Variants in NOL12 observed in about 807,000 individuals in gnomAD.
The protein encoded by NOL12 is nucleolar protein 12.
NOL12 carries 21 observed loss-of-function variants against 25.2 expected under a neutral mutation model. The observed-to-expected ratio is 0.83, with a 90% CI of 0.59 to 1.20. The LOEUF is 1.20. Ranked by LOEUF, NOL12 falls within the 50% of genes most tolerant of loss-of-function variation. NOL12 has a pLI of 0.00. For missense variants in NOL12, 286 were observed against 287.6 expected (o/e 0.99, Z 0.04); for synonymous variants, 133 against 113.8 (o/e 1.17, Z -1.08).
chr22:37,689,778 G>A (rs762131481), intron 4 of NOL12, among the ~76,000 whole-genome samples: 11 of 151,380 alleles, frequency 7.3e-5, no homozygotes, highest in South Asian at 2.1e-4. Context: ...CTGTAATCCC[G>A]GCATTTTGGG....
Position 37,690,729 on chromosome 22 carries a change from G to A in NOL12, c.414G>A (p.Ala138=), listed in dbSNP as rs199836484. Residue 138 remains alanine (A), a synonymous_variant, in exon 5 of 6, where the codon GCG becomes GCA. Transcript: ENST00000359114. ...CTGGAGACAGGTCTGAGGAGGAGGC[G>A]TCATCCACGGAGAAACCAACCAAAG... ...GGAGDRSEEE[A]SSTEKPTKAL... 51 of 1,613,732 alleles carry A rather than the reference G, an allele frequency of 3.2e-5. No individual in the cohort carries two copies. Among genetic ancestry groups the A allele is most frequent in the African/African-American group, 8.0e-5 (6 of 75,004 alleles).
intron 1 of NOL12, chr22:37,686,754 A>G: frequency 1.0e-6 from 1 of 985,460 alleles, no homozygotes; most frequent in Non-Finnish European, 1.2e-6. Flanking sequence ...AGCCCAGCCC[A>G]GTCCATCGGT....
At chr22:37,687,268 C>CA (rs1491015913) in intron 1 of NOL12, among the ~76,000 whole-genome samples, 9 of 129,812 alleles carry the variant, frequency 6.9e-5, no homozygotes, top group Non-Finnish European at 1.5e-4. Flanking sequence ...GCCCCCCCCC[C>CA]CACCCGCCCC....
intron 1 of NOL12, chr22:37,686,741 C>T: frequency 2.0e-6 from 2 of 985,462 alleles, no homozygotes; most frequent in Non-Finnish European, 2.4e-6. Flanking sequence ...CTTCGACCAC[C>T]CTAGCCCAGC....
chr22:37,691,625 A>G lies in NOL12; in HGVS notation c.*289A>G, dbSNP rs900326350. The G allele has an allele frequency of 2.6e-6, 1 of 386,612 alleles. No homozygotes were observed. Among genetic ancestry groups the G allele is most frequent in the Admixed American group, 4.3e-5 (1 of 23,008 alleles). 23.9% of individuals were successfully genotyped at this position (386,612 alleles called of 1,614,324 possible). ...ATGTGCACCCCACCTGGCACTCATC[A>G]GATTTGTGCGCTTGTGATTTGTTTG... On this transcript the variant is annotated 3_prime_UTR_variant, in exon 6 of 6. Coordinates refer to ENST00000359114, the MANE Select transcript of NOL12 (RefSeq NM_024313.3).
At position 37,690,816 on chromosome 22, in the gene NOL12, C is replaced by G. The variant is rs200709102; in HGVS notation, c.479+22C>G. 2.2e-5 allele frequency: 34 copies of G among 1,561,570 alleles called. No individual in the cohort carries two copies. In the East Asian group the frequency reaches 7.4e-4, roughly 34 times the overall value. The stretch of plus-strand genomic sequence containing the variant: ...AGCGGTGAGTCTTGGCCTGCTGCCT[C>G]CCCGGTCCCACCCCTCCTGGCTGGC... On this transcript the variant is annotated intron_variant, in intron 5 of 5. Coordinates refer to ENST00000359114, the MANE Select transcript of NOL12 (RefSeq NM_024313.3).
At chr22:37,688,504 C>G in intron 3 of NOL12, 144 bp downstream of exon 3, 1 of 813,980 alleles carries the variant, frequency 1.2e-6, no homozygotes, top group Non-Finnish European at 2.1e-6. Context: ...CTAAGCACCT[C>G]TAAGTGCAAG....
intron 5 of NOL12, 70 bp from the exon 6 acceptor site, chr22:37,691,104 C>G (rs1922046459): frequency 1.3e-6 from 2 of 1,514,508 alleles, no homozygotes; most frequent in African/African-American, 2.8e-5. Flanking sequence ...TCCTGACATC[C>G]CCTCCGTGAG....
At position 37,688,228 on chromosome 22, in the gene NOL12, C is replaced by G. The variant is rs1601606422; in HGVS notation, c.190-84C>G. 4 of 1,447,794 alleles carry G rather than the reference C, an allele frequency of 2.8e-6. No individual in the cohort carries two copies. In the East Asian group the frequency reaches 9.1e-5, roughly 33 times the overall value. 89.7% of individuals were successfully genotyped at this position (1,447,794 alleles called of 1,614,324 possible). On this transcript the variant is annotated intron_variant, in intron 2 of 5. Transcript: ENST00000359114. ...TCTTGCAGTATGGATCATGGTCTCC[C>G]TCACCCTGGGGGTGATTAATACCCC...
Position 37,688,378 on chromosome 22 carries a change from C to T in NOL12, c.238+18C>T. On this transcript the variant is annotated intron_variant, in intron 3 of 5. Transcript: ENST00000359114. Reference sequence around the variant, plus strand: ...GGCTCTGGGTAAGTGGCATGCTTGGCCTGACCTGGAGAACAGCTGATGGGC... The same window carrying T: ...GGCTCTGGGTAAGTGGCATGCTTGGTCTGACCTGGAGAACAGCTGATGGGC... 1 of 1,613,582 alleles carries T rather than the reference C, an allele frequency of 6.2e-7. No homozygotes were observed. Among genetic ancestry groups the T allele is most frequent in the Admixed American group, 1.7e-5 (1 of 60,002 alleles).
chr22:37,688,958 C>T lies in NOL12; in HGVS notation c.347C>T (p.Ser116Leu), dbSNP rs141277853. The change falls in exon 4 of 6, where the codon TCG becomes TTG. Residue 116 changes from serine (S) to leucine (L), a missense_variant. Ser to Leu is a moderately radical substitution (Grantham distance 145). Coordinates refer to ENST00000359114, the MANE Select transcript of NOL12 (RefSeq NM_024313.3). ...TVTTISDLDL[S>L]GARLLGLTPP... is the part of the protein sequence containing the mutation. ...ACCACCATCAGTGACCTGGACCTCT[C>T]GGGGGCCCGGCTGCTCGGGCTGACC... 3.1e-5 allele frequency: 50 copies of T among 1,613,428 alleles called. No individual in the cohort carries two copies. Among genetic ancestry groups the T allele is most frequent in the Middle Eastern group, 1.6e-4 (1 of 6,084 alleles).
intron 4 of NOL12, among the ~76,000 whole-genome samples, chr22:37,689,985 A>T: frequency 1.3e-5 from 2 of 152,252 alleles, no homozygotes; most frequent in Non-Finnish European, 2.9e-5. Flanking sequence ...CAGACTGACC[A>T]ACGTGGAGAA....
intron 1 of NOL12, 102 bp from the exon 2 acceptor site, chr22:37,687,798 TGGAATGGTGC>T (rs1555892231): frequency 2.7e-6 from 2 of 734,954 alleles, no homozygotes; most frequent in Admixed American, 4.9e-5. Flanking sequence ...TACACTTTTT[TGGAATGGTGC>T]CTAGCACATA....
At position 37,687,909 on chromosome 22, in the gene NOL12, G is replaced by T; in HGVS notation, c.84-1G>T. On this transcript the variant is annotated splice_acceptor_variant, in intron 1 of 5. Transcript: ENST00000359114. LOFTEE classifies it high-confidence loss of function. Reference sequence around the variant, plus strand: ...TGTCTCTGCCGGCTTCCTTCCTGTAGGGAGTACCTGACAGGCTTCCACAAG... The same window carrying T: ...TGTCTCTGCCGGCTTCCTTCCTGTATGGAGTACCTGACAGGCTTCCACAAG... 1 of 1,567,466 alleles carries T rather than the reference G, an allele frequency of 6.4e-7. No homozygotes were observed. Among genetic ancestry groups the T allele is most frequent in the South Asian group, 1.2e-5 (1 of 84,854 alleles).
intron 1 of NOL12, chr22:37,686,861 G>A (rs1421968553): frequency 1.0e-6 from 1 of 985,302 alleles, no homozygotes; most frequent in African/African-American, 1.7e-5. Context: ...GACATTTATT[G>A]GGCTCCTTTG....
intron 1 of NOL12, chr22:37,686,788 C>T (rs1169413574): frequency 3.0e-6 from 3 of 985,338 alleles, no homozygotes; most frequent in Admixed American, 6.1e-5. Flanking sequence ...GGCGCCCAGC[C>T]GTGGTTGATA....
chr22:37,688,416 C>G, intron 3 of NOL12, 56 bp downstream of exon 3: 1 of 1,573,914 alleles, frequency 6.4e-7, no homozygotes, highest in Non-Finnish European at 8.7e-7. Context: ...GGTTTATACC[C>G]TTGGTGGGTG....
chr22:37,688,889 C>T lies in NOL12; in HGVS notation c.278C>T (p.Thr93Met), dbSNP rs151308357. ...CTGGACCGGTTGGTGACAGCAAAGA[C>T]GGAGTCGGTGCAGTATGACCACCCC... The part of the protein sequence containing the change: ...DELDRLVTAK[T>M]ESVQYDHPNH... The change falls in exon 4 of 6, where the codon ACG becomes ATG. Residue 93 changes from threonine to methionine, a missense_variant. By Grantham distance (81) the Thr-to-Met change is moderately conservative. Transcript: ENST00000359114. The T allele has an allele frequency of 1.6e-4, 253 of 1,614,070 alleles. No homozygotes were observed. The highest frequency in any genetic ancestry group is 1.8e-4 in the Non-Finnish European group (208 of 1,179,998).
At chr22:37,687,087 G>T in intron 1 of NOL12, 9 of 985,440 alleles carry the variant, frequency 9.1e-6, no homozygotes, top group Non-Finnish European at 1.1e-5. Flanking sequence ...GAAACTCCTA[G>T]CGTGCATCAA....
Sources: gnomAD v4.1 joint callset for allele counts (sites outside exome capture counted in the v4.1 genomes callset) on GRCh38, gnomAD v4.1.1 for gene constraint, MANE v1.5 for transcripts, NCBI Gene and HGNC (gene_info 2026-07-23, HGNC 2026-07-21) for gene names.